Variants in SUSD4 observed in about 807,000 individuals in gnomAD.
SUSD4 encodes sushi domain containing 4, also known as sushi domain-containing protein 4.
In SUSD4, 41 loss-of-function variants were observed where a neutral mutation model predicts 50.5. That is an observed-to-expected ratio of 0.81 (90% CI 0.63 to 1.05). The LOEUF is 1.05. Among genes scored for constraint, SUSD4 ranks in the 50% least tolerant of loss-of-function variants. The pLI is 0.00. For missense variants in SUSD4, 580 were observed against 634.7 expected, an observed-to-expected ratio of 0.91 and a Z score of 0.93; for synonymous variants, 257 against 257.3, an observed-to-expected ratio of 1.00 and a Z score of 0.01.
rs752646074 is a variant in SUSD4, at chr1:223,231,347, A to T, written c.725-1959T>A. Among the ~76,000 whole-genome samples the T allele has an allele frequency of 2.6e-5, 4 of 152,082 alleles. No individual in the cohort carries two copies. The highest frequency in any genetic ancestry group is 5.9e-5 in the Non-Finnish European group (4 of 68,008). ...GCAGGGAAGGTCCAGGGCAGATCTG[A>T]GGCTGGCAGGCCCAGGTGTGCTCAG... On this transcript the variant is annotated intron_variant, in intron 5 of 8. Transcript: ENST00000366878. The surrounding 1 kb of genome is among the most constrained non-coding windows in gnomAD (Gnocchi z 4.2).
In SUSD4 at chr1:223,227,899, C is replaced by A. The variant is rs116881990; in HGVS notation, c.917-161G>T. ...AGAGATACCATGTGCCCCTGTAGCT[C>A]ATGTAAATTGCATCAGGATCCACCC... On this transcript the variant is annotated intron_variant, in intron 6 of 8. Coordinates refer to ENST00000366878, the MANE Select transcript of SUSD4 (RefSeq NM_017982.4). This position sits in a 1 kb window ranked among gnomAD's most constrained non-coding sequence, Gnocchi z 4.5. Among the ~76,000 whole-genome samples the A allele has an allele frequency of 5.3e-3, 800 of 152,316 alleles. 35 individuals carry two copies. The East Asian group carries it at 0.11, about 22-fold the overall frequency.
At chr1:223,350,480 G>C (rs569918166) in intron 2 of SUSD4, among the ~76,000 whole-genome samples, 3 of 152,334 alleles carry the variant, frequency 2.0e-5, no homozygotes, top group African/African-American at 7.2e-5. Context: ...TCCCAAGAGA[G>C]GGGCAAGGCG....
At chr1:223,344,546 G>A (rs916862648) in intron 2 of SUSD4, among the ~76,000 whole-genome samples, 2 of 152,100 alleles carry the variant, frequency 1.3e-5, no homozygotes, top group Admixed American at 6.5e-5. Context: ...CTCAAGGACT[G>A]CTCACCCCCG....
Position 223,292,658 on chromosome 1 carries a change from C to G in SUSD4, c.149-7G>C, listed in dbSNP as rs754967434. ...ACTTGAAGGTCATCGAACCCTACAT[C>G]AACAAAGAGAGGAAAAGGTGCCTAT... On this transcript the variant is annotated splice_polypyrimidine_tract_variant and splice_region_variant and intron_variant, in intron 2 of 8. Coordinates refer to ENST00000366878, the MANE Select transcript of SUSD4 (RefSeq NM_017982.4). 25 of 1,612,920 alleles carry G rather than the reference C, an allele frequency of 1.5e-5. No individual in the cohort carries two copies. The highest frequency in any genetic ancestry group is 2.0e-5 in the Non-Finnish European group (24 of 1,179,540).
intron 2 of SUSD4, among the ~76,000 whole-genome samples, chr1:223,330,589 T>C (rs970580835): frequency 1.3e-5 from 2 of 152,212 alleles, no homozygotes; most frequent in African/African-American, 4.8e-5. Flanking sequence ...ACAACACCAT[T>C]TGTCTTAGTT....
At position 223,363,278 on chromosome 1, in the gene SUSD4, C is replaced by T; in HGVS notation, c.148G>A (p.Gly50Arg). 1.3e-6 allele frequency: 2 copies of T among 1,587,186 alleles called. No individual in the cohort carries two copies. Among genetic ancestry groups the T allele is most frequent in the East Asian group, 2.3e-5 (1 of 44,344 alleles). The part of the protein sequence containing the change: ...LCFGPAQLTG[G>R]FDDLQVCADP... ...CTCCCACCACAGCTGGGTCACTCAC[C>T]GCCCGTGAGCTGTGCAGGGCCGAAG... The change falls in exon 2 of 9, where the codon GGG (glycine) becomes AGG (arginine). Residue 50 changes from glycine (G) to arginine (R), a missense_variant and splice_region_variant. Physicochemically the swap from Gly to Arg is moderately radical, Grantham distance 125. Transcript: ENST00000366878.
intron 3 of SUSD4, among the ~76,000 whole-genome samples, chr1:223,281,321 C>T (rs1246163568): frequency 1.3e-5 from 2 of 151,992 alleles, no homozygotes; most frequent in African/African-American, 4.8e-5. Context: ...AAAAGATCAA[C>T]AAAATTCATA....
Position 223,268,013 on chromosome 1 carries a change from TTATATATATATATATATATA to T in SUSD4, c.535+469_535+488del, listed in dbSNP as rs59885860. Among the ~76,000 whole-genome samples the T allele has an allele frequency of 1.3e-4, 7 of 53,360 alleles. No homozygotes were observed. In the East Asian group the frequency reaches 8.0e-3, roughly 61 times the overall value. The allele number at this position is 53,360 out of a possible 152,430, so 35.0% of individuals were successfully genotyped here. A position where few individuals can be genotyped will look rare whatever the true frequency, so the allele number is the denominator to read the frequency against. ...AATTTTTCTGCTCTTCATGCATTTT[TTATATATATATATATATATA>T]TATATATATACACACACACTGTTAA... On this transcript the variant is annotated intron_variant, in intron 4 of 8. Coordinates refer to ENST00000366878, the MANE Select transcript of SUSD4 (RefSeq NM_017982.4).
chr1:223,298,309 C>A (rs17161995), intron 2 of SUSD4, among the ~76,000 whole-genome samples: 8,044 of 152,242 alleles, frequency 0.053, 301 homozygotes, highest in East Asian at 0.12. Context: ...ATTCCACAGA[C>A]AAGGGAGATG....
At chr1:223,258,150 G>T (rs1661831614) in intron 5 of SUSD4, among the ~76,000 whole-genome samples, 1 of 152,140 alleles carries the variant, frequency 6.6e-6, no homozygotes, top group Non-Finnish European at 1.5e-5. Flanking sequence ...AGTGAAGGCA[G>T]GATTCCTGGA....
chr1:223,252,255 A>T (rs982084988), intron 5 of SUSD4, among the ~76,000 whole-genome samples: 1 of 148,286 alleles, frequency 6.7e-6, no homozygotes, highest in African/African-American at 2.5e-5. Flanking sequence ...ATATATATAT[A>T]AAAGAAGAAG....
intron 3 of SUSD4, among the ~76,000 whole-genome samples, chr1:223,286,206 C>T (rs976440187): frequency 6.6e-6 from 1 of 152,122 alleles, no homozygotes; most frequent in African/African-American, 2.4e-5. Context: ...AGCTCCTCCC[C>T]CTGGGTTCAT....
rs1662706362 is a variant in SUSD4 at position 223,268,797 on chromosome 1, G to A, written c.362-122C>T. 4.0e-6 allele frequency: 4 copies of A among 996,332 alleles called. No individual in the cohort carries two copies. The East Asian group carries it at 1.0e-4, about 26-fold the overall frequency. The allele number at this position is 996,332 out of a possible 1,614,324, so 61.7% of individuals were successfully genotyped here. A position where few individuals can be genotyped will look rare whatever the true frequency, so the allele number is the denominator to read the frequency against. On this transcript the variant is annotated intron_variant, in intron 3 of 8. Transcript: ENST00000366878. Reference sequence around the variant, plus strand: ...AACCTACACAGCAATCTGATAAATGGTACCTCATTTGTCACTAGGCTCAGG... The same window carrying A: ...AACCTACACAGCAATCTGATAAATGATACCTCATTTGTCACTAGGCTCAGG...
intron 5 of SUSD4, among the ~76,000 whole-genome samples, chr1:223,235,669 CTTCATATCTT>C (rs1660173510): frequency 6.6e-6 from 1 of 152,012 alleles, no homozygotes; most frequent in African/African-American, 2.4e-5. Flanking sequence ...TTTGAAGTTT[CTTCATATCTT>C]TTCATGGTTT....
intron 2 of SUSD4, among the ~76,000 whole-genome samples, chr1:223,323,203 G>A (rs1666682888): frequency 1.3e-5 from 2 of 151,854 alleles, no homozygotes; most frequent in African/African-American, 4.8e-5. Context: ...AAGGAAGGAG[G>A]GGGATGGAAG....
intron 3 of SUSD4, among the ~76,000 whole-genome samples, chr1:223,281,122 A>G (rs1663692196): frequency 6.6e-6 from 1 of 152,264 alleles, no homozygotes; most frequent in African/African-American, 2.4e-5. Context: ...CTAAGTGCCC[A>G]CAAAAGAAAG....
rs111677551 is a variant in SUSD4, at chr1:223,325,802, A to G, written c.149-33151T>C. ...GCAAACAACAACAAAACCTAGAAAT[A>G]TACTTAACCAAGGAGGTGAAAGATC... On this transcript the variant is annotated intron_variant, in intron 2 of 8. Coordinates refer to ENST00000366878, the MANE Select transcript of SUSD4 (RefSeq NM_017982.4). Among the ~76,000 whole-genome samples the G allele has an allele frequency of 6.5e-3, 996 of 152,284 alleles. 9 individuals carry two copies. Among genetic ancestry groups the G allele is most frequent in the African/African-American group, 0.023 (946 of 41,550 alleles).
intron 4 of SUSD4, among the ~76,000 whole-genome samples, chr1:223,267,847 G>A (rs903498627): frequency 2.6e-5 from 4 of 151,384 alleles, no homozygotes; most frequent in Non-Finnish European, 4.4e-5. Flanking sequence ...GAAGTCACAC[G>A]TCAAAAAATA....
intron 2 of SUSD4, among the ~76,000 whole-genome samples, chr1:223,346,168 C>T (rs1668022061): frequency 6.6e-6 from 1 of 152,114 alleles, no homozygotes; most frequent in Non-Finnish European, 1.5e-5. Context: ...CATCCGCTTA[C>T]CCCAAAACCA....
Sources: gnomAD v4.1 joint callset for allele counts (sites outside exome capture counted in the v4.1 genomes callset) on GRCh38, gnomAD v4.1.1 for gene constraint, Gnocchi (gnomAD v3.1) non-coding constraint, MANE v1.5 for transcripts, NCBI Gene and HGNC (gene_info 2026-07-23, HGNC 2026-07-21) for gene names.